The following CDKL4 variants were observed in gnomAD, a reference collection of about 807,000 sequenced individuals.
CDKL4 encodes cyclin-dependent kinase-like 4.
CDKL4 carries 44 observed loss-of-function variants against 42.0 expected under a neutral mutation model. The ratio of observed to expected loss-of-function variants is 1.05; its 90% CI spans 0.82 to 1.35. The LOEUF (loss-of-function observed/expected upper bound fraction) is 1.35. CDKL4 is among the 40% of genes most tolerant of loss of function. CDKL4 has a pLI of 0.00. For synonymous variants in CDKL4, 120 were observed against 121.6 expected (o/e 0.99, Z 0.09); for missense variants, 393 against 369.9 (o/e 1.06, Z -0.51).
downstream of CDKL4, among the ~76,000 whole-genome samples, chr2:39,173,737 G>A (rs887537121): frequency 3.3e-5 from 5 of 151,544 alleles, no homozygotes; most frequent in Non-Finnish European, 7.4e-5. Flanking sequence ...GTGAACCCGG[G>A]AGGCGGAGCA....
intron 4 of CDKL4, among the ~76,000 whole-genome samples, chr2:39,205,565 C>T (rs906576660): frequency 3.3e-5 from 5 of 151,476 alleles, no homozygotes; most frequent in African/African-American, 9.7e-5. Flanking sequence ...TAGAGACCAT[C>T]CTGGCCAACA....
intron 6 of CDKL4, among the ~76,000 whole-genome samples, chr2:39,188,683 A>C (rs10171732): frequency 2.0e-5 from 3 of 150,914 alleles, no homozygotes; most frequent in Non-Finnish European, 3.0e-5. Flanking sequence ...TCATAATCTC[A>C]CAACAATAGT....
In CDKL4 at chr2:39,191,929, G is replaced by A. The variant is rs574048359; in HGVS notation, c.455-1427C>T. 9.8e-5 allele frequency among the ~76,000 whole-genome samples: 15 copies of A among 152,332 alleles called. No individual in the cohort carries two copies. In the East Asian group the frequency reaches 1.2e-3, roughly 12 times the overall value. The stretch of plus-strand genomic sequence containing the variant: ...ATGGGCAATTCTCCTTAGTAAAGTC[G>A]TCAGGTAGCCCCAAAGACACTGCCA... On this transcript the variant is annotated intron_variant, in intron 5 of 9. Transcript: ENST00000451199.
intron 8 of CDKL4, among the ~76,000 whole-genome samples, chr2:39,181,499 T>C (rs1675435852): frequency 6.6e-6 from 1 of 152,154 alleles, no homozygotes; most frequent in Non-Finnish European, 1.5e-5. Flanking sequence ...ACTTAACATC[T>C]GCCTCAAGGT....
chr2:39,236,403 A>G (rs1679378687), intron 1 of CDKL4, among the ~76,000 whole-genome samples: 1 of 152,168 alleles, frequency 6.6e-6, no homozygotes, highest in Admixed American at 6.5e-5. Flanking sequence ...TTATGAAACA[A>G]TGGCCAAAAC....
chr2:39,185,406 G>GTA (rs1302865920), intron 7 of CDKL4, among the ~76,000 whole-genome samples: 2 of 14,484 alleles, frequency 1.4e-4, no homozygotes, highest in Non-Finnish European at 3.0e-4. Context: ...ATACATATGT[G>GTA]TATATATACA....
intron 5 of CDKL4, among the ~76,000 whole-genome samples, chr2:39,195,144 T>C (rs1396414711): frequency 6.6e-6 from 1 of 152,246 alleles, no homozygotes; most frequent in African/African-American, 2.4e-5. Context: ...TATCAGAATT[T>C]CATTTCTTTT....
chr2:39,243,125 AAAAAAAAAAAAAAAAAAAAAAAAAAAGG>A (rs1679745230), intron 1 of CDKL4, among the ~76,000 whole-genome samples: 1 of 126,326 alleles, frequency 7.9e-6, no homozygotes, highest in African/African-American at 2.7e-5. Context: ...AAAAAAAAAA[AAAAAAAAAAAAAAAAAAAAAAAAAAAGG>A]AATGACGAGG....
rs184289505 is a variant in CDKL4, at chr2:39,239,576, C to T, written c.-57+4295G>A. ...GTGAATAGACATTTTACCAAAGATA[C>T]ACAAATGTCTACTAAGCACATGAAA... On this transcript the variant is annotated intron_variant, in intron 1 of 9. Coordinates refer to ENST00000451199, the Ensembl canonical transcript of CDKL4. Among the ~76,000 whole-genome samples the T allele has an allele frequency of 3.9e-5, 6 of 152,278 alleles. No homozygotes were observed. The East Asian group carries it at 1.2e-3, about 29-fold the overall frequency.
chr2:39,210,790 C>T (rs1677541170), intron 4 of CDKL4, among the ~76,000 whole-genome samples: 1 of 152,152 alleles, frequency 6.6e-6, no homozygotes, highest in Non-Finnish European at 1.5e-5. Flanking sequence ...TTGGCATCAT[C>T]TTTATTAAGC....
chr2:39,238,153 A>G (rs1050601315), intron 1 of CDKL4, among the ~76,000 whole-genome samples: 1 of 152,216 alleles, frequency 6.6e-6, no homozygotes, highest in African/African-American at 2.4e-5. Flanking sequence ...ATTCCTGGCC[A>G]GGAGTGGTGG....
chr2:39,170,443 G>GTTT, the CDKL4 span, among the ~76,000 whole-genome samples: 3 of 151,554 alleles, frequency 2.0e-5, no homozygotes, highest in Non-Finnish European at 4.4e-5. Flanking sequence ...CCAGTTTTTA[G>GTTT]TTTTTTGTTG....
intron 3 of CDKL4, among the ~76,000 whole-genome samples, chr2:39,221,244 T>C (rs1678348395): frequency 6.6e-6 from 1 of 150,628 alleles, no homozygotes; most frequent in Non-Finnish European, 1.5e-5. Context: ...CTTGATCTCG[T>C]GACCTTGTGA....
intron 8 of CDKL4, among the ~76,000 whole-genome samples, chr2:39,182,350 C>G (rs1027708173): frequency 2.0e-5 from 3 of 152,064 alleles, no homozygotes; most frequent in Non-Finnish European, 2.9e-5. Context: ...CACTAAATAC[C>G]TATGAATTTT....
At chr2:39,242,044 C>CTT (rs74579526) in intron 1 of CDKL4, among the ~76,000 whole-genome samples, 1 of 141,212 alleles carries the variant, frequency 7.1e-6, no homozygotes, top group Non-Finnish European at 1.6e-5. Flanking sequence ...TTTCTTTTTC[C>CTT]TTTTTTTTTT....
intron 1 of CDKL4, among the ~76,000 whole-genome samples, chr2:39,243,287 A>G (rs960719415): frequency 6.6e-6 from 1 of 152,204 alleles, no homozygotes; most frequent in Admixed American, 6.5e-5. Context: ...AATAAAACTA[A>G]TTAGTCAAAT....
At chr2:39,207,098 T>C (rs1333350826) in intron 4 of CDKL4, among the ~76,000 whole-genome samples, 1 of 152,074 alleles carries the variant, frequency 6.6e-6, no homozygotes, top group Non-Finnish European at 1.5e-5. Context: ...TTAAAAAAAA[T>C]ACACAGGCTG....
At chr2:39,178,930 C>G in intron 9 of CDKL4, 1 of 1,446,368 alleles carries the variant, frequency 6.9e-7, no homozygotes, top group Non-Finnish European at 9.1e-7. Context: ...GTGGGATATC[C>G]AATCAGAGCA....
At chr2:39,168,625 C>T in the CDKL4 span, among the ~76,000 whole-genome samples, 1 of 150,668 alleles carries the variant, frequency 6.6e-6, no homozygotes, top group Non-Finnish European at 1.5e-5. Context: ...ATCTCAGCTA[C>T]TTAGTAGGCT....
Sources: gnomAD v4.1 joint callset for allele counts (sites outside exome capture counted in the v4.1 genomes callset) on GRCh38, gnomAD v4.1.1 for gene constraint, MANE v1.5 for transcripts, NCBI Gene and HGNC (gene_info 2026-07-23, HGNC 2026-07-21) for gene names.